Variants in RBFOX1 observed in about 807,000 individuals in gnomAD.
RBFOX1 encodes RNA binding protein fox-1 homolog 1.
Under a neutral mutation model 57.7 loss-of-function variants are expected in RBFOX1, and 8 were observed. The observed-to-expected ratio is 0.14, with a 90% CI of 0.08 to 0.25. The LOEUF (loss-of-function observed/expected upper bound fraction) is 0.25, where lower values mean the gene tolerates loss of function less well. Ranked by LOEUF, RBFOX1 falls within the 10% of genes least tolerant of loss-of-function variation. The probability of loss-of-function intolerance (pLI) is 1.00; values close to 1 mark genes in which losing one functional copy is unlikely to be tolerated. For missense variants in RBFOX1, 611 were observed against 548.5 expected, an observed-to-expected ratio of 1.11 and a Z score of -1.14; for synonymous variants, 326 against 222.4, an observed-to-expected ratio of 1.47 and a Z score of -4.15.
chr16:7,265,161 G>C (rs1286322958), intron 4 of RBFOX1, among the ~76,000 whole-genome samples: 1 of 152,178 alleles, frequency 6.6e-6, no homozygotes, highest in Non-Finnish European at 1.5e-5. Context: ...GGTTATCTTA[G>C]TCTATCCAGT....
At chr16:6,653,653 A>C (rs532999725) in intron 2 of RBFOX1, among the ~76,000 whole-genome samples, 1 of 151,166 alleles carries the variant, frequency 6.6e-6, no homozygotes, top group East Asian at 2.0e-4. Context: ...GGATGGATGG[A>C]TGAATGGGTG....
chr16:7,597,147 G>A (rs1169583653), intron 8 of RBFOX1: 2 of 412,636 alleles, frequency 4.8e-6, no homozygotes, highest in African/African-American at 4.1e-5. Context: ...TTAATGATAT[G>A]ACATTGCTTT....
At chr16:6,880,669 A>T (rs2062752905) in intron 3 of RBFOX1, among the ~76,000 whole-genome samples, 1 of 152,230 alleles carries the variant, frequency 6.6e-6, no homozygotes, top group South Asian at 2.1e-4. Context: ...AAAGAAATCT[A>T]GATAAAAAGA....
At chr16:5,655,111 T>A (rs1415134974) in intron 3 of RBFOX1, among the ~76,000 whole-genome samples, 4 of 152,312 alleles carry the variant, frequency 2.6e-5, no homozygotes, top group African/African-American at 9.6e-5. Flanking sequence ...GGCTGACAGA[T>A]GGTGCCATCT....
At chr16:6,683,544 G>C (rs1203647205) in intron 3 of RBFOX1, among the ~76,000 whole-genome samples, 1 of 152,050 alleles carries the variant, frequency 6.6e-6, no homozygotes, top group African/African-American at 2.4e-5. Context: ...CTTTTGTTTT[G>C]TTTTCGTTAC....
intron 3 of RBFOX1, among the ~76,000 whole-genome samples, chr16:5,647,767 G>C (rs1386964617): frequency 6.6e-6 from 1 of 152,224 alleles, no homozygotes; most frequent in African/African-American, 2.4e-5. Flanking sequence ...CTTGGTACAA[G>C]TTTCCCGGAA....
At chr16:6,559,361 T>C (rs1314669296) in intron 2 of RBFOX1, among the ~76,000 whole-genome samples, 1 of 152,020 alleles carries the variant, frequency 6.6e-6, no homozygotes, top group Non-Finnish European at 1.5e-5. Context: ...TGTGTATATA[T>C]ACACACACAC....
intron 6 of RBFOX1, among the ~76,000 whole-genome samples, chr16:7,584,167 A>C (rs2093968982): frequency 6.6e-6 from 1 of 152,144 alleles, no homozygotes; most frequent in Non-Finnish European, 1.5e-5. Flanking sequence ...CTTTACTTTT[A>C]CGTTTTATGC....
At chr16:6,410,639 C>T (rs993460021) in intron 2 of RBFOX1, among the ~76,000 whole-genome samples, 2 of 152,120 alleles carry the variant, frequency 1.3e-5, no homozygotes, top group Non-Finnish European at 2.9e-5. Flanking sequence ...AGGAGGACTG[C>T]ATTAAGACCA....
chr16:7,025,066 G>T (rs2040486032), intron 3 of RBFOX1, among the ~76,000 whole-genome samples: 1 of 152,166 alleles, frequency 6.6e-6, no homozygotes, highest in African/African-American at 2.4e-5. Context: ...AGTTGAGGGC[G>T]TGTCTGTAGA....
intron 1 of RBFOX1, among the ~76,000 whole-genome samples, chr16:6,157,890 A>C (rs2096849689): frequency 6.6e-6 from 1 of 152,130 alleles, no homozygotes. Context: ...CCTTTTTTCC[A>C]AGAGTTGAAA....
chr16:5,636,055 AG>A (rs2048673042), intron 3 of RBFOX1, among the ~76,000 whole-genome samples: 1 of 151,980 alleles, frequency 6.6e-6, no homozygotes, highest in Admixed American at 6.5e-5. Flanking sequence ...TTTAAAAAAG[AG>A]AAAAAAAAAA....
Position 7,593,794 on chromosome 16 carries a change from A to G in RBFOX1, c.469-1755A>G, listed in dbSNP as rs145455126. On this transcript the variant is annotated intron_variant, in intron 7 of 15. Transcript: ENST00000550418. ...GACTTGGAAATGCAAGGATTTGGGT[A>G]TCAGGGGTGGGGATGTCTTGGAACT... Among the ~76,000 whole-genome samples, 831 of 152,106 alleles carry G rather than the reference A, an allele frequency of 5.5e-3. 8 individuals are homozygous for G. The highest frequency in any genetic ancestry group is 0.019 in the African/African-American group (791 of 41,472).
chr16:6,979,463 C>G (rs1485518059), intron 3 of RBFOX1, among the ~76,000 whole-genome samples: 1 of 152,178 alleles, frequency 6.6e-6, no homozygotes, highest in African/African-American at 2.4e-5. Context: ...TTTACAGCAT[C>G]TGTTCTTCCC....
At chr16:7,119,325 G>C (rs994823540) in intron 4 of RBFOX1, among the ~76,000 whole-genome samples, 4 of 152,060 alleles carry the variant, frequency 2.6e-5, no homozygotes, top group African/African-American at 9.7e-5. Context: ...ATGATTTATT[G>C]AGTCATCAGA....
intron 1 of RBFOX1, among the ~76,000 whole-genome samples, chr16:5,432,548 TTTG>T (rs1375115625): frequency 5.2e-5 from 7 of 133,338 alleles, no homozygotes; most frequent in East Asian, 2.1e-4. Context: ...TTTTTTTTTT[TTTG>T]TTTGTTTGTT....
chr16:5,536,160 A>C (rs886687342), intron 2 of RBFOX1, among the ~76,000 whole-genome samples: 2 of 123,580 alleles, frequency 1.6e-5, no homozygotes, highest in African/African-American at 6.3e-5. Flanking sequence ...CTCTCCTCTC[A>C]TATTTTTCTT....
intron 3 of RBFOX1, chr16:6,723,890 A>G (rs1377823700): frequency 1.3e-5 from 2 of 152,190 alleles, no homozygotes; most frequent in Non-Finnish European, 2.9e-5. Flanking sequence ...CTGGCCAGAT[A>G]CAGAGCACTC....
chr16:5,826,959 A>G (rs2056078736), intron 3 of RBFOX1, among the ~76,000 whole-genome samples: 1 of 152,220 alleles, frequency 6.6e-6, no homozygotes, highest in Admixed American at 6.5e-5. Flanking sequence ...ACAGTTGTGT[A>G]GCTTCTTCTA....
Sources: gnomAD v4.1 joint callset for allele counts (sites outside exome capture counted in the v4.1 genomes callset) on GRCh38, gnomAD v4.1.1 for gene constraint, MANE v1.5 for transcripts, NCBI Gene and HGNC (gene_info 2026-07-23, HGNC 2026-07-21) for gene names.